The following GOLPH3 variants were observed in gnomAD, a reference collection of about 807,000 sequenced individuals.
GOLPH3 encodes golgi phosphoprotein 3.
In GOLPH3, 14 loss-of-function variants were observed where a neutral mutation model predicts 28.5. The observed-to-expected ratio is 0.49, with a 90% confidence interval of 0.32 to 0.77. The LOEUF is 0.77. Ranked by LOEUF, GOLPH3 falls within the 30% of genes least tolerant of loss-of-function variation. GOLPH3 has a pLI of 0.03. For synonymous variants in GOLPH3, 158 were observed against 159.2 expected, an observed-to-expected ratio of 0.99 and a Z score of 0.06; for missense variants, 350 against 393.7, an observed-to-expected ratio of 0.89 and a Z score of 0.94.
At chr5:32,141,162 C>CAAAAAAA (rs5867132) in intron 2 of GOLPH3, among the ~76,000 whole-genome samples, 1 of 116,192 alleles carries the variant, frequency 8.6e-6, no homozygotes. Context: ...GACTCAGTCT[C>CAAAAAAA]AAAAAAAAAA....
chr5:32,160,357 C>T (rs2111885264), intron 1 of GOLPH3, among the ~76,000 whole-genome samples: 1 of 152,278 alleles, frequency 6.6e-6, no homozygotes, highest in African/African-American at 2.4e-5. Flanking sequence ...GGATTACAGG[C>T]ATGAGCCATC....
At chr5:32,146,516 T>G (rs974952549) in intron 1 of GOLPH3, among the ~76,000 whole-genome samples, 1 of 152,112 alleles carries the variant, frequency 6.6e-6, no homozygotes, top group African/African-American at 2.4e-5. Context: ...TATTGTTTAT[T>G]AAGTCCCCTA....
intron 1 of GOLPH3, among the ~76,000 whole-genome samples, chr5:32,152,835 G>T (rs1746338503): frequency 6.6e-6 from 1 of 151,122 alleles, no homozygotes; most frequent in Non-Finnish European, 1.5e-5. Flanking sequence ...TGACAGCATA[G>T]TTGGCAAAAA....
intron 2 of GOLPH3, among the ~76,000 whole-genome samples, chr5:32,140,408 C>T (rs2111850854): frequency 6.6e-6 from 1 of 152,118 alleles, no homozygotes; most frequent in Middle Eastern, 3.4e-3. Context: ...ATAATCCCAG[C>T]ACTTTGGGAG....
intron 1 of GOLPH3, among the ~76,000 whole-genome samples, chr5:32,170,420 G>T (rs543956022): frequency 1.3e-5 from 2 of 152,142 alleles, no homozygotes; most frequent in Non-Finnish European, 2.9e-5. Context: ...TTAATGATTT[G>T]CTTAAATGTA....
intron 1 of GOLPH3, among the ~76,000 whole-genome samples, chr5:32,170,836 A>C (rs1010157277): frequency 1.3e-5 from 2 of 152,026 alleles, no homozygotes; most frequent in Non-Finnish European, 2.9e-5. Context: ...TAAAACCAAA[A>C]CCTAAAGCAA....
At chr5:32,173,445 T>TA in intron 1 of GOLPH3, among the ~76,000 whole-genome samples, 1 of 152,098 alleles carries the variant, frequency 6.6e-6, no homozygotes, top group Non-Finnish European at 1.5e-5. Context: ...CTCCAGCTGT[T>TA]AGTTTCCCGG....
At chr5:32,152,591 G>C (rs1746331889) in intron 1 of GOLPH3, among the ~76,000 whole-genome samples, 1 of 150,594 alleles carries the variant, frequency 6.6e-6, no homozygotes, top group Non-Finnish European at 1.5e-5. Flanking sequence ...AGACCAGCCT[G>C]GCCAACGTGG....
At chr5:32,155,867 G>T (rs946351617) in intron 1 of GOLPH3, among the ~76,000 whole-genome samples, 1 of 142,910 alleles carries the variant, frequency 7.0e-6, no homozygotes, top group African/African-American at 2.5e-5. Flanking sequence ...TGAGGCAGGA[G>T]AACTGCTTGA....
At chr5:32,149,087 T>C (rs1214307744) in intron 1 of GOLPH3, among the ~76,000 whole-genome samples, 4 of 152,346 alleles carry the variant, frequency 2.6e-5, no homozygotes, top group South Asian at 2.1e-4. Flanking sequence ...GAATCAGTTA[T>C]ATGGGCATGG....
At chr5:32,143,213 G>A (rs978400319) in intron 2 of GOLPH3, among the ~76,000 whole-genome samples, 15 of 152,132 alleles carry the variant, frequency 9.9e-5, no homozygotes, top group African/African-American at 2.4e-4. Flanking sequence ...GATTAAGGGC[G>A]GTGCAAGATG....
At chr5:32,136,131 C>T (rs1465849640) in intron 2 of GOLPH3, among the ~76,000 whole-genome samples, 5 of 148,854 alleles carry the variant, frequency 3.4e-5, no homozygotes, top group Non-Finnish European at 6.0e-5. Context: ...GCCAAGATCA[C>T]GCCGCTGCAC....
At chr5:32,137,351 C>CT (rs74621230) in intron 2 of GOLPH3, among the ~76,000 whole-genome samples, 7 of 152,082 alleles carry the variant, frequency 4.6e-5, no homozygotes, top group South Asian at 4.2e-4. Context: ...AATACTGCAA[C>CT]TTTTTTTTAA....
chr5:32,151,791 T>C (rs1211218267), intron 1 of GOLPH3, among the ~76,000 whole-genome samples: 1 of 152,218 alleles, frequency 6.6e-6, no homozygotes, highest in African/African-American at 2.4e-5. Context: ...CACAGATCTA[T>C]GTAAAATTCT....
intron 3 of GOLPH3, among the ~76,000 whole-genome samples, chr5:32,128,583 G>A (rs915863566): frequency 4.0e-5 from 6 of 151,880 alleles, no homozygotes; most frequent in Non-Finnish European, 7.4e-5. Context: ...CATTTAAACC[G>A]GGGGAGGGCA....
chr5:32,164,598 A>C (rs963356463), intron 1 of GOLPH3, among the ~76,000 whole-genome samples: 2 of 151,816 alleles, frequency 1.3e-5, no homozygotes, highest in African/African-American at 2.4e-5. Flanking sequence ...GGCTTTCACC[A>C]TGTTAGCCAG....
chr5:32,133,083 T>C (rs1745857908), intron 3 of GOLPH3, among the ~76,000 whole-genome samples: 2 of 152,212 alleles, frequency 1.3e-5, no homozygotes, highest in South Asian at 4.1e-4. Flanking sequence ...AAGTATTAGT[T>C]TCACATTTTA....
chr5:32,126,850 T>A (rs893795946), intron 3 of GOLPH3, among the ~76,000 whole-genome samples: 1 of 152,138 alleles, frequency 6.6e-6, no homozygotes, highest in African/African-American at 2.4e-5. Flanking sequence ...CAGGAGTCAC[T>A]CAGACGACTA....
intron 2 of GOLPH3, among the ~76,000 whole-genome samples, chr5:32,138,915 A>C (rs1284483989): frequency 1.3e-5 from 2 of 152,268 alleles, no homozygotes; most frequent in Non-Finnish European, 2.9e-5. Context: ...GAGCCTCAGG[A>C]GAAAAAGTTA....
Sources: gnomAD v4.1 joint callset for allele counts (sites outside exome capture counted in the v4.1 genomes callset) on GRCh38, gnomAD v4.1.1 for gene constraint, MANE v1.5 for transcripts, NCBI Gene and HGNC (gene_info 2026-07-23, HGNC 2026-07-21) for gene names.